Variants in RBFOX2 observed in about 807,000 individuals in gnomAD.
RBFOX2 encodes RNA binding fox-1 homolog 2, also known as RNA binding protein fox-1 homolog 2.
RBFOX2 carries 10 observed loss-of-function variants against 49.1 expected under a neutral mutation model. The observed-to-expected ratio is 0.20, with a 90% CI of 0.13 to 0.35. The LOEUF is 0.35. Ranked by LOEUF, RBFOX2 falls within the 10% of genes least tolerant of loss-of-function variation. The pLI, the probability that RBFOX2 is intolerant of heterozygous loss-of-function variation, is 1.00. For missense variants in RBFOX2, 323 were observed against 486.9 expected (o/e 0.66, Z 3.17); for synonymous variants, 183 against 187.4 (o/e 0.98, Z 0.19).
intron 1 of RBFOX2, among the ~76,000 whole-genome samples, chr22:35,911,252 C>T (rs537146951): frequency 2.3e-3 from 347 of 152,242 alleles, no homozygotes; most frequent in African/African-American, 8.0e-3. Context: ...AAAGAATCTT[C>T]TTTGTAAAAG....
chr22:35,776,604 G>A (rs936863550), intron 4 of RBFOX2, among the ~76,000 whole-genome samples: 9 of 152,134 alleles, frequency 5.9e-5, no homozygotes, highest in African/African-American at 1.9e-4. Context: ...AATTGGAGAG[G>A]TAAATATTAG....
chr22:35,925,474 C>T (rs1024537803), intron 1 of RBFOX2, among the ~76,000 whole-genome samples: 2 of 152,042 alleles, frequency 1.3e-5, no homozygotes, highest in African/African-American at 2.4e-5. Context: ...TTCGAGGCTC[C>T]GCCACTGCAC....
chr22:35,801,124 G>A (rs999073662), intron 2 of RBFOX2, among the ~76,000 whole-genome samples: 1 of 151,900 alleles, frequency 6.6e-6, no homozygotes, highest in African/African-American at 2.4e-5. Context: ...TATCCCAAAG[G>A]GATATTTTAT....
At chr22:35,834,940 C>T (rs1022300094) in intron 1 of RBFOX2, among the ~76,000 whole-genome samples, 8 of 152,074 alleles carry the variant, frequency 5.3e-5, no homozygotes, top group African/African-American at 1.7e-4. Context: ...AATTAGTTTC[C>T]TGAATTTAAT....
Position 35,759,801 on chromosome 22 carries a change from C to T in RBFOX2, c.887+87G>A. 6.4e-7 allele frequency: 1 copy of T among 1,557,354 alleles called. No homozygotes were observed. Among genetic ancestry groups the T allele is most frequent in the Non-Finnish European group, 8.8e-7 (1 of 1,137,344 alleles). The stretch of plus-strand genomic sequence containing the variant: ...TGCCTACTCTGTGACACGGCAACAT[C>T]CCAGAAGTTATGAAAGGGCCATGGT... On this transcript the variant is annotated intron_variant, in intron 9 of 11. Coordinates refer to ENST00000405409, the Ensembl canonical transcript of RBFOX2. The surrounding 1 kb of genome is among the most constrained non-coding windows in gnomAD (Gnocchi z 4.6).
At chr22:35,963,676 A>AC (rs2056390989), upstream of RBFOX2, among the ~76,000 whole-genome samples, 1 of 152,160 alleles carries the variant, frequency 6.6e-6, no homozygotes, top group Admixed American at 6.5e-5. Flanking sequence ...TTACGTTCCA[A>AC]GAGTTTTATA....
At chr22:35,994,197 AAACT>A (rs2058091802) in intron 1 of RBFOX2, 1 of 151,882 alleles carries the variant, frequency 6.6e-6, no homozygotes, top group African/African-American at 2.4e-5. Flanking sequence ...AAAAAAGGTG[AAACT>A]AATTTTAAGA....
chr22:35,846,330 TTGTGTGTGTG>T (rs35272106), intron 1 of RBFOX2, among the ~76,000 whole-genome samples: 35 of 140,434 alleles, frequency 2.5e-4, no homozygotes, highest in Non-Finnish European at 3.6e-4. Context: ...ATTTATATAG[TTGTGTGTGTG>T]TGTGTGTGTG....
intron 1 of RBFOX2, among the ~76,000 whole-genome samples, chr22:36,002,298 A>C (rs2146261189): frequency 6.6e-6 from 1 of 152,338 alleles, no homozygotes; most frequent in South Asian, 2.1e-4. Flanking sequence ...AGCAACATAC[A>C]TACAAGCAGC....
exon 12 of RBFOX2, chr22:35,739,453 T>C (rs1928722507): frequency 6.6e-6 from 1 of 152,348 alleles, no homozygotes; most frequent in African/African-American, 2.4e-5. Flanking sequence ...ACAAGCAGAA[T>C]ATAACACAAG....
chr22:35,898,419 C>CA, intron 1 of RBFOX2: 2 of 277,852 alleles, frequency 7.2e-6, no homozygotes, highest in Non-Finnish European at 1.3e-5. Flanking sequence ...TCCCACAATC[C>CA]TTTTTTTTTT....
intron 1 of RBFOX2, among the ~76,000 whole-genome samples, chr22:36,017,029 C>T (rs2059061457): frequency 6.6e-6 from 1 of 152,142 alleles, no homozygotes; most frequent in African/African-American, 2.4e-5. Context: ...TACAGGACCC[C>T]AAACCAGAAG....
intron 1 of RBFOX2, among the ~76,000 whole-genome samples, chr22:35,916,104 A>G (rs553641088): frequency 6.6e-6 from 1 of 152,346 alleles, no homozygotes; most frequent in South Asian, 2.1e-4. Context: ...CAAATTAACT[A>G]CTCAAGGAGG....
At chr22:35,885,843 ATTTTTTTTTTTTTTTTTT>A (rs538674450) in intron 1 of RBFOX2, among the ~76,000 whole-genome samples, 1 of 83,146 alleles carries the variant, frequency 1.2e-5, no homozygotes, top group Non-Finnish European at 2.3e-5. Flanking sequence ...CCCAAACCTA[ATTTTTTTTTTTTTTTTTT>A]TTTTTTTTTT....
intron 8 of RBFOX2, among the ~76,000 whole-genome samples, chr22:35,760,412 G>A (rs764662181): frequency 3.9e-5 from 6 of 151,982 alleles, no homozygotes; most frequent in East Asian, 3.9e-4. Flanking sequence ...CTCTTCAACC[G>A]GTCAGTTATT....
intron 1 of RBFOX2, chr22:35,994,795 G>C (rs891330547): frequency 6.6e-6 from 1 of 152,200 alleles, no homozygotes; most frequent in African/African-American, 2.4e-5. Context: ...GCCTCTCAAA[G>C]TGCTGGGATT....
chr22:35,743,383 A>G (rs1045719860), exon 12 of RBFOX2: 1 of 152,230 alleles, frequency 6.6e-6, no homozygotes, highest in Non-Finnish European at 1.5e-5. Flanking sequence ...TTAAAGGAGA[A>G]GAAGCCTAGA....
chr22:35,960,822 C>T (rs758476710), intron 1 of RBFOX2, among the ~76,000 whole-genome samples: 28 of 152,030 alleles, frequency 1.8e-4, no homozygotes, highest in Non-Finnish European at 3.2e-4. Flanking sequence ...GTATTGAAAA[C>T]GTTTTCCTCA....
chr22:35,961,908 T>C (rs1452382099), upstream of RBFOX2, among the ~76,000 whole-genome samples: 2 of 152,064 alleles, frequency 1.3e-5, no homozygotes, highest in Non-Finnish European at 2.9e-5. Flanking sequence ...CTTCACCTCC[T>C]CCTCTCTGGT....
Sources: allele counts gnomAD v4.1 joint callset (sites outside exome capture counted in the v4.1 genomes callset), GRCh38; gene constraint gnomAD v4.1.1; non-coding constraint Gnocchi (gnomAD v3.1); transcripts MANE v1.5; gene names NCBI Gene and HGNC (gene_info 2026-07-23, HGNC 2026-07-21).